Variants in CYP2C8 observed in about 807,000 individuals in gnomAD.
CYP2C8 encodes the protein cytochrome P450 family 2 subfamily C member 8.
A neutral mutation model predicts 41.3 loss-of-function variants in CYP2C8; 51 were observed. The observed-to-expected ratio is 1.24, with a 90% CI of 0.99 to 1.56. The LOEUF (loss-of-function observed/expected upper bound fraction) is 1.56, where lower values mean the gene tolerates loss of function less well. Ranked by LOEUF, CYP2C8 falls within the 40% of genes most tolerant of loss-of-function variation. The pLI, the probability that CYP2C8 is intolerant of heterozygous loss-of-function variation, is 0.00. For missense variants in CYP2C8, 651 were observed against 579.9 expected, an observed-to-expected ratio of 1.12 and a Z score of -1.26; for synonymous variants, 218 against 205.8, an observed-to-expected ratio of 1.06 and a Z score of -0.51.
intron 5 of CYP2C8, among the ~76,000 whole-genome samples, chr10:95,053,267 C>G (rs2033245652): frequency 6.6e-6 from 1 of 152,142 alleles, no homozygotes; most frequent in African/African-American, 2.4e-5. Flanking sequence ...CAGGAAACAA[C>G]AGATGCTGGC....
intron 3 of CYP2C8, among the ~76,000 whole-genome samples, chr10:95,065,400 G>A (rs1021348865): frequency 1.3e-5 from 2 of 152,158 alleles, no homozygotes; most frequent in Non-Finnish European, 2.9e-5. Flanking sequence ...CTGAACCAAT[G>A]GGAATAAAGT....
intron 4 of CYP2C8, 107 bp from the exon 5 acceptor site, chr10:95,058,618 C>T (rs1160173718): frequency 4.8e-6 from 5 of 1,038,048 alleles, no homozygotes; most frequent in Non-Finnish European, 7.0e-6. Context: ...ACATCATGTC[C>T]ATTTTGAAGG....
intron 7 of CYP2C8, chr10:95,041,083 G>A (rs998297424): frequency 2.4e-6 from 1 of 416,768 alleles, no homozygotes; most frequent in Non-Finnish European, 4.8e-6. Flanking sequence ...TATTTAGTGA[G>A]GGATGTGAGG....
chr10:95,058,567 A>T, intron 4 of CYP2C8, 56 bp from the exon 5 acceptor site: 1 of 1,415,090 alleles, frequency 7.1e-7, no homozygotes, highest in South Asian at 1.3e-5. Flanking sequence ...TGTATCTTAC[A>T]CCAAGCCCTG....
rs148348784 is a variant in CYP2C8, at chr10:95,038,912, T to C, written c.1276A>G (p.Met426Val). ...NGNFKKSDYF[M>V]PFSAGKRICA... ...TTTCTATTACCTGCTGAGAAAGGCA[T>C]GAAGTAGTCACTTTTCTTAAAGTTG... Residue 426 changes from methionine to valine, a missense_variant, in exon 8 of 9, where the codon ATG becomes GTG. Transcript: ENST00000371270. The C allele has an allele frequency of 1.4e-4, 227 of 1,613,850 alleles. No homozygotes were observed. Among genetic ancestry groups the C allele is most frequent in the Admixed American group, 3.0e-4 (18 of 60,004 alleles).
intron 4 of CYP2C8, 67 bp from the exon 5 acceptor site, chr10:95,058,578 A>G (rs948486677): frequency 1.5e-6 from 2 of 1,372,048 alleles, no homozygotes; most frequent in African/African-American, 2.9e-5. Context: ...CCAAGCCCTG[A>G]TTGAAATTAT....
chr10:95,068,928 G>C (rs2134444336), intron 1 of CYP2C8, among the ~76,000 whole-genome samples: 1 of 152,250 alleles, frequency 6.6e-6, no homozygotes, highest in Admixed American at 6.5e-5. Flanking sequence ...GGGCATGGTG[G>C]AGGGCACCTG....
chr10:95,037,080 AAG>A lies in CYP2C8; in HGVS notation c.*46_*47del. 1 of 1,545,134 alleles carries A rather than the reference AAG, an allele frequency of 6.5e-7. No homozygotes were observed. On this transcript the variant is annotated 3_prime_UTR_variant, in exon 9 of 9. Coordinates refer to ENST00000371270, the MANE Select transcript of CYP2C8 (RefSeq NM_000770.3). ...ATAGTGGGAATGTCCTTGATAAAAA[AAG>A]AGTTGCAGGTGATAGCAGATCGGCA...
intron 5 of CYP2C8, among the ~76,000 whole-genome samples, chr10:95,049,149 G>A (rs1302224864): frequency 1.3e-5 from 2 of 152,078 alleles, no homozygotes; most frequent in Non-Finnish European, 2.9e-5. Flanking sequence ...ATTAGAAAGT[G>A]GGCAAACAAC....
intron 1 of CYP2C8, 89 bp downstream of exon 1, chr10:95,069,146 G>T (rs1387626694): frequency 1.4e-6 from 2 of 1,387,616 alleles, no homozygotes; most frequent in Admixed American, 1.7e-5. Flanking sequence ...TATTATAATA[G>T]TGTGCTTCCA....
At chr10:95,061,701 T>G (rs1228724403) in intron 4 of CYP2C8, among the ~76,000 whole-genome samples, 2 of 152,230 alleles carry the variant, frequency 1.3e-5, no homozygotes, top group Non-Finnish European at 2.9e-5. Context: ...GTGTTTGTTC[T>G]TGCTTCTCTA....
At chr10:95,051,775 G>A (rs990515614) in intron 5 of CYP2C8, among the ~76,000 whole-genome samples, 1 of 152,006 alleles carries the variant, frequency 6.6e-6, no homozygotes, top group Non-Finnish European at 1.5e-5. Flanking sequence ...AACAAATGAT[G>A]AGAAAACACA....
At chr10:95,040,498 T>C (rs2032972430) in intron 7 of CYP2C8, among the ~76,000 whole-genome samples, 1 of 152,236 alleles carries the variant, frequency 6.6e-6, no homozygotes, top group African/African-American at 2.4e-5. Flanking sequence ...TGGAATTGTG[T>C]AGTTTATAGC....
At chr10:95,054,126 C>A (rs1319818331) in intron 5 of CYP2C8, among the ~76,000 whole-genome samples, 2 of 151,684 alleles carry the variant, frequency 1.3e-5, no homozygotes, top group African/African-American at 4.8e-5. Flanking sequence ...AAGGTCCCAG[C>A]CAAAACAATT....
At position 95,067,314 on chromosome 10, in the gene CYP2C8, A is replaced by G. The variant is rs771830853; in HGVS notation, c.375T>C (p.Arg125=). The G allele has an allele frequency of 6.2e-7, 1 of 1,614,144 alleles. No individual in the cohort carries two copies. Among genetic ancestry groups the G allele is most frequent in the Non-Finnish European group, 8.5e-7 (1 of 1,180,034 alleles). Residue 125 remains arginine (R), a synonymous_variant, in exon 3 of 9, where the codon CGT becomes CGC. Coordinates refer to ENST00000371270, the MANE Select transcript of CYP2C8 (RefSeq NM_000770.3). The part of the protein sequence containing the change: ...SNGKRWKEIR[R]FSLTTLRNFG... Reference sequence around the variant, plus strand: ...AATTCCGCAAGGTTGTGAGGGAGAAACGCCGGATCTCCTTCCATCTCTTTC... The same window carrying G: ...AATTCCGCAAGGTTGTGAGGGAGAAGCGCCGGATCTCCTTCCATCTCTTTC...
chr10:95,041,547 C>A (rs1007798786), intron 7 of CYP2C8, among the ~76,000 whole-genome samples: 1 of 150,574 alleles, frequency 6.6e-6, no homozygotes, highest in African/African-American at 2.4e-5. Flanking sequence ...TTTGGGAGGC[C>A]GAGGCGGGTG....
At chr10:95,065,009 AAAGATTTGCATTTGTT>A in intron 3 of CYP2C8, 49 bp from the exon 4 acceptor site, 1 of 1,347,044 alleles carries the variant, frequency 7.4e-7, no homozygotes, top group Non-Finnish European at 9.7e-7. Flanking sequence ...TAAATATTTA[AAAGATTTGCATTTGTT>A]AAGACATAAA....
chr10:95,048,788 T>A (rs2033158145), intron 5 of CYP2C8, among the ~76,000 whole-genome samples: 1 of 152,168 alleles, frequency 6.6e-6, no homozygotes, highest in Non-Finnish European at 1.5e-5. Context: ...GAATGAAATA[T>A]GATTCTTATA....
intron 5 of CYP2C8, among the ~76,000 whole-genome samples, chr10:95,052,141 G>A (rs962496975): frequency 6.6e-5 from 10 of 151,940 alleles, no homozygotes; most frequent in Admixed American, 2.6e-4. Context: ...TGATATCACA[G>A]GTATTCAAAG....
Sources: allele counts gnomAD v4.1 joint callset (sites outside exome capture counted in the v4.1 genomes callset), GRCh38; gene constraint gnomAD v4.1.1; transcripts MANE v1.5; gene names NCBI Gene and HGNC (gene_info 2026-07-23, HGNC 2026-07-21).